The following VIRMA variants were observed in gnomAD, a reference collection of about 807,000 sequenced individuals.
VIRMA encodes the protein vir like m6A methyltransferase associated.
In VIRMA, 65 loss-of-function variants were observed where a neutral mutation model predicts 182.4. The observed-to-expected ratio is 0.36, with a 90% confidence interval of 0.29 to 0.44. The LOEUF (loss-of-function observed/expected upper bound fraction) is 0.44. VIRMA is among the 20% of genes least tolerant of loss of function. The pLI, the probability that VIRMA is intolerant of heterozygous loss-of-function variation, is 1.00. For synonymous variants in VIRMA, 709 were observed against 743.1 expected (o/e 0.95, Z 0.75); for missense variants, 1,752 against 2,158.1 (o/e 0.81, Z 3.73).
At chr8:94,529,453 AC>A in intron 6 of VIRMA, 111 bp from the exon 7 acceptor site, 1 of 621,526 alleles carries the variant, frequency 1.6e-6, no homozygotes, top group Admixed American at 2.9e-5. Flanking sequence ...GTTTATAAAT[AC>A]CCTTAAAAAA....
intron 11 of VIRMA, 117 bp downstream of exon 11, chr8:94,514,752 A>G (rs1158107282): frequency 3.4e-6 from 2 of 580,658 alleles, no homozygotes; most frequent in Non-Finnish European, 6.1e-6. Flanking sequence ...AGTCTAATAA[A>G]TCAATCAAGG....
At chr8:94,537,704 GTTTTT>G (rs1472548968) in intron 3 of VIRMA, among the ~76,000 whole-genome samples, 1 of 151,702 alleles carries the variant, frequency 6.6e-6, no homozygotes, top group Non-Finnish European at 1.5e-5. Context: ...GCTGCCTTTA[GTTTTT>G]TTTATTTTAT....
At chr8:94,490,104 A>G (rs372647301) in intron 22 of VIRMA, 22 bp from the exon 23 acceptor site, 331 of 1,577,470 alleles carry the variant, frequency 2.1e-4, no homozygotes, top group Non-Finnish European at 2.8e-4. Context: ...CAGCACAATC[A>G]AAATCACTTT....
At position 94,511,357 on chromosome 8, in the gene VIRMA, T is replaced by C; in HGVS notation, c.3218A>G (p.Gln1073Arg). Reference protein sequence around the residue: ...DIIDILLTFTQGVNEKLTISE... With the variant: ...DIIDILLTFTRGVNEKLTISE... ...GATTGTGAGTTTTTCATTAACTCCTTGTGTAAAAGTCAGTAAAATATCAAT... is the reference window on the plus strand; with the variant it reads ...GATTGTGAGTTTTTCATTAACTCCTCGTGTAAAAGTCAGTAAAATATCAAT... The change falls in exon 13 of 24, where the codon CAA (glutamine) becomes CGA (arginine). Residue 1073 changes from glutamine to arginine, a missense_variant. Coordinates refer to ENST00000297591, the MANE Select transcript of VIRMA (RefSeq NM_015496.5). The C allele has an allele frequency of 6.2e-6, 10 of 1,613,912 alleles. No individual in the cohort carries two copies. Among genetic ancestry groups the C allele is most frequent in the Non-Finnish European group, 8.5e-6 (10 of 1,179,924 alleles).
intron 6 of VIRMA, among the ~76,000 whole-genome samples, chr8:94,530,246 G>A (rs913433339): frequency 2.0e-5 from 3 of 152,004 alleles, no homozygotes; most frequent in Admixed American, 6.6e-5. Context: ...GGCACTGTGG[G>A]TCACACCTGT....
At chr8:94,502,658 C>T (rs1043977521) in intron 16 of VIRMA, among the ~76,000 whole-genome samples, 38 of 152,110 alleles carry the variant, frequency 2.5e-4, no homozygotes, top group African/African-American at 8.9e-4. Flanking sequence ...TCTAAATATT[C>T]TCCAATAAAA....
At chr8:94,536,872 G>A (rs569466063) in intron 4 of VIRMA, among the ~76,000 whole-genome samples, 78 of 152,266 alleles carry the variant, frequency 5.1e-4, no homozygotes, top group African/African-American at 1.8e-3. Flanking sequence ...CCAGCTACTC[G>A]GGAGGCTGAG....
chr8:94,526,925 T>G lies in VIRMA; in HGVS notation c.1319A>C (p.Asn440Thr), dbSNP rs1018442191. The change falls in exon 8 of 24, where the codon AAT becomes ACT. Residue 440 changes from asparagine to threonine, a missense_variant. Physicochemically the swap from Asn to Thr is moderately conservative, Grantham distance 65. Coordinates refer to ENST00000297591, the MANE Select transcript of VIRMA (RefSeq NM_015496.5). Reference sequence around the variant, plus strand: ...AGGTTGGCGAAGCGCTACTTGTAAATTTAAAGCTTGCATGGTCCAGTCTAC... The same window carrying G: ...AGGTTGGCGAAGCGCTACTTGTAAAGTTAAAGCTTGCATGGTCCAGTCTAC... ...QLVDWTMQALNLQVALRQPIA... is the reference protein window; with the variant it reads ...QLVDWTMQALTLQVALRQPIA... The G allele has an allele frequency of 2.5e-6, 4 of 1,614,102 alleles. No homozygotes were observed. The highest frequency in any genetic ancestry group is 3.4e-6 in the Non-Finnish European group (4 of 1,180,050).
chr8:94,545,287 A>G (rs946937657), intron 1 of VIRMA, among the ~76,000 whole-genome samples: 2 of 152,222 alleles, frequency 1.3e-5, no homozygotes, highest in Non-Finnish European at 1.5e-5. Context: ...TTTTATGTCA[A>G]CTTTTCCTAT....
intron 1 of VIRMA, among the ~76,000 whole-genome samples, chr8:94,552,090 G>A (rs1281916791): frequency 6.6e-6 from 1 of 152,190 alleles, no homozygotes; most frequent in Non-Finnish European, 1.5e-5. Flanking sequence ...TGCCTCCATT[G>A]AGGGTTTTCT....
Position 94,529,126 on chromosome 8 carries a change from G to C in VIRMA, c.824C>G (p.Pro275Arg), listed in dbSNP as rs886132993. The change falls in exon 7 of 24, where the codon CCT becomes CGT. Residue 275 changes from proline (P) to arginine (R), a missense_variant. This residue lies in a region of VIRMA where 31 missense variants were observed against 68.4 expected (regional missense o/e 0.45). Coordinates refer to ENST00000297591, the MANE Select transcript of VIRMA (RefSeq NM_015496.5). ...CTCTTCATCTTCCTCTTCCTCCTCA[G>C]GAATACTGTCTACTGTTCGTCGATC... ...EDDRRTVDSI[P>R]EEEEEDEEEE... 7 of 1,500,618 alleles carry C rather than the reference G, an allele frequency of 4.7e-6. No individual in the cohort carries two copies. The highest frequency in any genetic ancestry group is 1.7e-4 in the Middle Eastern group (1 of 5,868). 93.0% of individuals were successfully genotyped at this position (1,500,618 alleles called of 1,614,324 possible). A position where few individuals can be genotyped will look rare whatever the true frequency, so the allele number is the denominator to read the frequency against.
At chr8:94,499,974 G>A (rs2381885) in intron 16 of VIRMA, among the ~76,000 whole-genome samples, 35,782 of 148,152 alleles carry the variant, frequency 0.24, 5,269 homozygotes, top group East Asian at 0.51. Flanking sequence ...TCACTTAAAC[G>A]ATTGGGAGGC....
At chr8:94,541,123 T>C (rs1178023745) in intron 2 of VIRMA, among the ~76,000 whole-genome samples, 1 of 148,918 alleles carries the variant, frequency 6.7e-6, no homozygotes, top group Non-Finnish European at 1.5e-5. Context: ...TTATTATTGT[T>C]ATTACTTTTT....
rs1317165936 is a variant in VIRMA, at chr8:94,506,695, C to G, written c.3902G>C (p.Ser1301Thr). Reference sequence around the variant, plus strand: ...TTCAGAAATAGAACCTTCAGAAGAGCTTGGTAAGATAAGTGCAATGTCCTG... The same window carrying G: ...TTCAGAAATAGAACCTTCAGAAGAGGTTGGTAAGATAAGTGCAATGTCCTG... ...CDQDIALILP[S>T]SSEGSISELE... The change falls in exon 16 of 24, where the codon AGC becomes ACC. Residue 1301 changes from serine to threonine, a missense_variant. This residue lies in a region of VIRMA where 777 missense variants were observed against 920.6 expected (regional missense o/e 0.84). Transcript: ENST00000297591. 1 of 1,613,280 alleles carries G rather than the reference C, an allele frequency of 6.2e-7. No homozygotes were observed. The highest frequency in any genetic ancestry group is 1.7e-5 in the Admixed American group (1 of 59,952).
At chr8:94,530,176 A>G (rs1815116326) in intron 6 of VIRMA, among the ~76,000 whole-genome samples, 1 of 152,192 alleles carries the variant, frequency 6.6e-6, no homozygotes, top group South Asian at 2.1e-4. Context: ...CAAATGAATT[A>G]ACAAATTTTT....
intron 8 of VIRMA, among the ~76,000 whole-genome samples, chr8:94,520,567 C>T (rs1438870798): frequency 6.6e-6 from 1 of 151,994 alleles, no homozygotes; most frequent in Non-Finnish European, 1.5e-5. Flanking sequence ...ACATCATTCC[C>T]TACACAATAA....
Position 94,519,482 on chromosome 8 carries a change from G to C in VIRMA, c.2022-6C>G, listed in dbSNP as rs1307912231. 6.6e-7 allele frequency: 1 copy of C among 1,519,838 alleles called. No individual in the cohort carries two copies. The highest frequency in any genetic ancestry group is 2.3e-5 in the East Asian group (1 of 44,154). The allele number at this position is 1,519,838 out of a possible 1,614,324, so 94.1% of individuals were successfully genotyped here. A position where few individuals can be genotyped will look rare whatever the true frequency, so the allele number is the denominator to read the frequency against. The stretch of plus-strand genomic sequence containing the variant: ...AGTGATGACTGTGAAGATATCTGTG[G>C]AAGAGTTAATTGATACATGTCAAGT... On this transcript the variant is annotated splice_polypyrimidine_tract_variant and splice_region_variant and intron_variant, in intron 8 of 23. Coordinates refer to ENST00000297591, the MANE Select transcript of VIRMA (RefSeq NM_015496.5).
At position 94,538,266 on chromosome 8, in the gene VIRMA, A is replaced by C. The variant is rs1316797195; in HGVS notation, c.260T>G (p.Leu87Trp). 1 of 1,609,550 alleles carries C rather than the reference A, an allele frequency of 6.2e-7. No homozygotes were observed. Among genetic ancestry groups the C allele is most frequent in the Admixed American group, 1.7e-5 (1 of 59,988 alleles). Residue 87 changes from leucine (L) to tryptophan (W), a missense_variant, in exon 3 of 24, where the codon TTG (leucine) becomes TGG (tryptophan). Physicochemically the swap from Leu to Trp is moderately conservative, Grantham distance 61 (BLOSUM62 -2). This residue lies in a region of VIRMA where 195 missense variants were observed against 191.7 expected (regional missense o/e 1.02). Transcript: ENST00000297591. ...SKPSAPVFDR[L>W]GSLEYDENTS... ...TTACCTAGCAGGTACATACCTTCCC[A>C]ACCTATCGAAAACAGGGGCACTTGG...
chr8:94,488,841 C>T lies in VIRMA; in HGVS notation c.5304G>A (p.Arg1768=), dbSNP rs1563674736. The change falls in exon 24 of 24, where the codon CGG becomes CGA. Residue 1768 remains arginine (R), a synonymous_variant. Transcript: ENST00000297591. ...LSSTGYRPSP[R]DRASRGRGGL... is the part of the protein sequence containing the mutation. ...CCCCACGACCTCTAGAAGCACGGTC[C>T]CGAGGACTTGGGCGGTAACCTGTAA... 2 of 1,614,012 alleles carry T rather than the reference C, an allele frequency of 1.2e-6. No homozygotes were observed. The highest frequency in any genetic ancestry group is 1.3e-5 in the African/African-American group (1 of 75,028).
Sources: allele counts gnomAD v4.1 joint callset (sites outside exome capture counted in the v4.1 genomes callset), GRCh38; gene constraint gnomAD v4.1.1; regional missense constraint gnomAD v4.1.1; transcripts MANE v1.5; gene names NCBI Gene and HGNC (gene_info 2026-07-23, HGNC 2026-07-21).